IQGAP1: variants seen among roughly 807,000 people sequenced by gnomAD.
IQGAP1 encodes IQ motif containing GTPase activating protein 1, also known as ras GTPase-activating-like protein IQGAP1.
In IQGAP1, 66 loss-of-function variants were observed where a neutral mutation model predicts 215.6. The ratio of observed to expected loss-of-function variants is 0.31; its 90% CI spans 0.25 to 0.38. The LOEUF (loss-of-function observed/expected upper bound fraction) is 0.38, where lower values mean the gene tolerates loss of function less well. Among genes scored for constraint, IQGAP1 ranks in the 10% least tolerant of loss-of-function variants. The probability of loss-of-function intolerance (pLI) is 1.00; values close to 1 mark genes in which losing one functional copy is unlikely to be tolerated. For missense variants in IQGAP1, 1,712 were observed against 1,997.1 expected (o/e 0.86, Z 2.72); for synonymous variants, 772 against 728.7 (o/e 1.06, Z -0.96).
intron 36 of IQGAP1, among the ~76,000 whole-genome samples, chr15:90,495,648 CT>C (rs1966261757): frequency 1.4e-5 from 2 of 138,622 alleles, no homozygotes; most frequent in Admixed American, 1.4e-4. Context: ...TCTTTTTCTT[CT>C]TCTTTTTTTT....
At chr15:90,471,780 G>A (rs535233367) in intron 18 of IQGAP1, among the ~76,000 whole-genome samples, 52 of 151,732 alleles carry the variant, frequency 3.4e-4, no homozygotes, top group African/African-American at 1.2e-3. Context: ...GATTACAGGC[G>A]TGAGCCACCA....
intron 12 of IQGAP1, 51 bp downstream of exon 12, chr15:90,452,989 G>T (rs751357491): frequency 1.3e-6 from 2 of 1,598,288 alleles, no homozygotes; most frequent in Non-Finnish European, 1.7e-6. Context: ...GTGGACGTGA[G>T]TGTAATACCC....
intron 33 of IQGAP1, among the ~76,000 whole-genome samples, chr15:90,490,200 G>A (rs1339929346): frequency 2.6e-5 from 4 of 152,212 alleles, no homozygotes; most frequent in Non-Finnish European, 4.4e-5. Flanking sequence ...AAAGATTTAG[G>A]ATCTGTCAAC....
At chr15:90,455,666 G>C (rs938075950) in intron 14 of IQGAP1, among the ~76,000 whole-genome samples, 1 of 152,228 alleles carries the variant, frequency 6.6e-6, no homozygotes, top group Non-Finnish European at 1.5e-5. Context: ...GCATTAGGGA[G>C]CCCTGCGCTT....
rs919910935 is a variant in IQGAP1, at chr15:90,452,915, A to G, written c.1303A>G (p.Thr435Ala). 1.2e-6 allele frequency: 2 copies of G among 1,613,978 alleles called. No homozygotes were observed. Among genetic ancestry groups the G allele is most frequent in the Admixed American group, 3.3e-5 (2 of 60,022 alleles). The change falls in exon 12 of 38, where the codon ACC becomes GCC. Residue 435 changes from threonine (T) to alanine (A), a missense_variant. Transcript: ENST00000268182. ...AADLYQKELA[T>A]LQRQSPEHNL... ...CGATCTCTATCAGAAGGAGCTGGCTACCCTGCAGCGACAAAGTCCTGAAGT... is the reference window on the plus strand; with the variant it reads ...CGATCTCTATCAGAAGGAGCTGGCTGCCCTGCAGCGACAAAGTCCTGAAGT...
At chr15:90,429,876 A>C (rs1367777669) in intron 4 of IQGAP1, 4 of 366,020 alleles carry the variant, frequency 1.1e-5, no homozygotes, top group Non-Finnish European at 2.0e-5. Flanking sequence ...CCCTAGAGAA[A>C]TTCCCTGTGA....
intron 2 of IQGAP1, among the ~76,000 whole-genome samples, chr15:90,392,705 T>C (rs1275678253): frequency 6.6e-6 from 1 of 151,900 alleles, no homozygotes; most frequent in Non-Finnish European, 1.5e-5. Flanking sequence ...AGCCTGAGTT[T>C]TTTGGTCTAC....
chr15:90,449,729 A>T, intron 11 of IQGAP1, 86 bp downstream of exon 11: 1 of 1,115,876 alleles, frequency 9.0e-7, no homozygotes, highest in Non-Finnish European at 1.3e-6. Flanking sequence ...CATCGTCATC[A>T]CCCACTCTGA....
Position 90,476,565 on chromosome 15 carries a change from C to A in IQGAP1, c.2785-98C>A, listed in dbSNP as rs190530938. The stretch of plus-strand genomic sequence containing the variant: ...AGTGGGAATCTGCCAGTGCAGTACA[C>A]CTTCATGTGAGTTTGCACATGCTGC... On this transcript the variant is annotated intron_variant, in intron 23 of 37. Transcript: ENST00000268182. 61 of 848,056 alleles carry A rather than the reference C, an allele frequency of 7.2e-5. No individual in the cohort carries two copies. In the African/African-American group the frequency reaches 9.3e-4, roughly 13 times the overall value. The allele number at this position is 848,056 out of a possible 1,614,324, so 52.5% of individuals were successfully genotyped here.
chr15:90,483,895 A>G (rs919482561), intron 29 of IQGAP1, among the ~76,000 whole-genome samples: 4 of 152,226 alleles, frequency 2.6e-5, no homozygotes, highest in Non-Finnish European at 5.9e-5. Context: ...TAATTTTTGT[A>G]AATTAACATC....
chr15:90,388,354 G>T lies in IQGAP1; in HGVS notation c.13G>T (p.Asp5Tyr), dbSNP rs1352882278. 1 of 1,595,448 alleles carries T rather than the reference G, an allele frequency of 6.3e-7. No homozygotes were observed. Among genetic ancestry groups the T allele is most frequent in the Non-Finnish European group, 8.5e-7 (1 of 1,172,458 alleles). Residue 5 changes from aspartate to tyrosine, a missense_variant, in exon 1 of 38, where the codon GAC becomes TAC. Physicochemically the swap from Asp to Tyr is radical, Grantham distance 160. Coordinates refer to ENST00000268182, the MANE Select transcript of IQGAP1 (RefSeq NM_003870.4). MSAA[D>Y]EVDGLGVARP... ...GGGCTCGTCCGCCATGTCCGCCGCA[G>T]ACGAGGTTGACGGGCTGGGCGTGGC...
intron 5 of IQGAP1, among the ~76,000 whole-genome samples, chr15:90,436,669 G>T: frequency 6.6e-6 from 1 of 152,214 alleles, no homozygotes; most frequent in East Asian, 1.9e-4. Context: ...TATATTTGTA[G>T]AAGTAGGCAT....
rs751054433 is a variant in IQGAP1, at chr15:90,448,666, G to A, written c.1007G>A (p.Arg336Gln). 1.2e-5 allele frequency: 20 copies of A among 1,611,918 alleles called. No individual in the cohort carries two copies. The highest frequency in any genetic ancestry group is 4.0e-5 in the African/African-American group (3 of 74,802). ...CTGCAGTCACCAGCCCTGGGGCTTC[G>A]AGGACTGCAGCAACAGAATAGCGAC... ...RALQSPALGL[R>Q]GLQQQNSDWY... Residue 336 changes from arginine to glutamine, a missense_variant, in exon 10 of 38, where the codon CGA becomes CAA. By Grantham distance (43) the Arg-to-Gln change is conservative. Coordinates refer to ENST00000268182, the MANE Select transcript of IQGAP1 (RefSeq NM_003870.4).
chr15:90,444,475 G>T (rs1296226151), intron 9 of IQGAP1, among the ~76,000 whole-genome samples: 1 of 151,810 alleles, frequency 6.6e-6, no homozygotes, highest in Non-Finnish European at 1.5e-5. Context: ...GAAGAGACAG[G>T]GTCTCGCTCT....
chr15:90,408,170 C>T (rs1332064724), intron 2 of IQGAP1, among the ~76,000 whole-genome samples: 1 of 152,140 alleles, frequency 6.6e-6, no homozygotes, highest in Non-Finnish European at 1.5e-5. Flanking sequence ...CCCAATGGCA[C>T]CTCTCACCAC....
At chr15:90,395,164 T>C (rs984007782) in intron 2 of IQGAP1, among the ~76,000 whole-genome samples, 2 of 152,228 alleles carry the variant, frequency 1.3e-5, no homozygotes, top group African/African-American at 4.8e-5. Context: ...TAATGAGATA[T>C]CACCTAACGA....
At chr15:90,418,867 T>C (rs1017019790) in intron 2 of IQGAP1, among the ~76,000 whole-genome samples, 1 of 151,900 alleles carries the variant, frequency 6.6e-6, no homozygotes, top group African/African-American at 2.4e-5. Context: ...ATCAGCTTCA[T>C]ACTGGTTCGT....
rs942695274 is a variant in IQGAP1, at chr15:90,474,494, A to G, written c.2585A>G (p.Glu862Gly). The change falls in exon 23 of 38, where the codon GAG becomes GGG. Residue 862 changes from glutamate to glycine, a missense_variant. Glu to Gly is a moderately conservative substitution (Grantham distance 98). Transcript: ENST00000268182. The stretch of plus-strand genomic sequence containing the variant: ...GCATACTTTCTGTCAGTCAATGCTG[A>G]GGATCCTCCTATGGTTGTGGTCCGA... ...RDDYKTLINAEDPPMVVVRKF... is the reference protein window; with the variant it reads ...RDDYKTLINAGDPPMVVVRKF... 1 of 1,613,656 alleles carries G rather than the reference A, an allele frequency of 6.2e-7. No homozygotes were observed. Among genetic ancestry groups the G allele is most frequent in the Non-Finnish European group, 8.5e-7 (1 of 1,179,522 alleles).
At chr15:90,419,259 A>G (rs1270573399) in intron 2 of IQGAP1, among the ~76,000 whole-genome samples, 1 of 152,194 alleles carries the variant, frequency 6.6e-6, no homozygotes, top group African/African-American at 2.4e-5. Flanking sequence ...GTTTATCTGT[A>G]AAATAATTAC....
Sources: gnomAD v4.1 joint callset for allele counts (sites outside exome capture counted in the v4.1 genomes callset) on GRCh38, gnomAD v4.1.1 for gene constraint, MANE v1.5 for transcripts, NCBI Gene and HGNC (gene_info 2026-07-23, HGNC 2026-07-21) for gene names.